Variants in C12orf56 observed in about 807,000 individuals in gnomAD.
C12orf56 encodes the protein chromosome 12 open reading frame 56, also known as uncharacterized protein C12orf56.
In C12orf56, 71 loss-of-function variants were observed where a neutral mutation model predicts 69.9. The ratio of observed to expected loss-of-function variants is 1.02; its 90% CI spans 0.84 to 1.24. The LOEUF is 1.24. C12orf56 is among the 50% of genes most tolerant of loss of function. The pLI is 0.00. For missense variants in C12orf56, 732 were observed against 738.5 expected (o/e 0.99, Z 0.10); for synonymous variants, 276 against 274.1 (o/e 1.01, Z -0.07).
intron 1 of C12orf56, among the ~76,000 whole-genome samples, chr12:64,363,946 A>C (rs986608287): frequency 5.9e-5 from 9 of 152,194 alleles, no homozygotes; most frequent in African/African-American, 2.2e-4. Context: ...TTGAGCAATA[A>C]ATTTGCAAAA....
chr12:64,350,219 C>T (rs1051581149), intron 2 of C12orf56, among the ~76,000 whole-genome samples: 9 of 151,968 alleles, frequency 5.9e-5, no homozygotes, highest in Non-Finnish European at 1.3e-4. Flanking sequence ...ATGGGTGCAC[C>T]AAAATCTCAC....
chr12:64,386,652 T>C (rs2039795124), intron 1 of C12orf56, among the ~76,000 whole-genome samples: 2 of 151,786 alleles, frequency 1.3e-5, no homozygotes, highest in African/African-American at 4.8e-5. Flanking sequence ...CATCTCGGCT[T>C]CCCAAAGTGC....
chr12:64,301,652 A>T (rs148224371), intron 6 of C12orf56, among the ~76,000 whole-genome samples: 1 of 152,346 alleles, frequency 6.6e-6, no homozygotes, highest in East Asian at 1.9e-4. Flanking sequence ...AAGGTATATA[A>T]GCTCTGGAAA....
intron 2 of C12orf56, among the ~76,000 whole-genome samples, chr12:64,345,718 A>T (rs1443221485): frequency 6.6e-6 from 1 of 152,172 alleles, no homozygotes; most frequent in African/African-American, 2.4e-5. Flanking sequence ...GGTAGATAGA[A>T]TCCCTGAGTT....
intron 2 of C12orf56, among the ~76,000 whole-genome samples, chr12:64,340,697 G>A (rs1053470640): frequency 3.9e-5 from 6 of 152,160 alleles, no homozygotes; most frequent in South Asian, 4.1e-4. Context: ...TGTTTTTAAC[G>A]AAAGAAGGAG....
chr12:64,319,060 G>T, intron 3 of C12orf56, 80 bp from the exon 4 acceptor site: 1 of 1,246,262 alleles, frequency 8.0e-7, no homozygotes, highest in East Asian at 2.6e-5. Context: ...GTTTAAGACT[G>T]AACACAAATG....
At chr12:64,359,664 A>G (rs1315717571) in intron 1 of C12orf56, among the ~76,000 whole-genome samples, 1 of 152,142 alleles carries the variant, frequency 6.6e-6, no homozygotes, top group East Asian at 1.9e-4. Flanking sequence ...AGGAAGGCTT[A>G]ATCCAAAGAA....
chr12:64,309,206 C>G (rs1178178380), intron 5 of C12orf56, among the ~76,000 whole-genome samples: 1 of 152,156 alleles, frequency 6.6e-6, no homozygotes, highest in Non-Finnish European at 1.5e-5. Flanking sequence ...TCACAATGTT[C>G]TACAAGTATC....
In C12orf56 at chr12:64,386,194, C is replaced by T. The variant is rs747648651; in HGVS notation, c.252+4120G>A. Among the ~76,000 whole-genome samples the T allele has an allele frequency of 8.8e-4, 134 of 152,078 alleles. 1 individual carries two copies. The highest frequency in any genetic ancestry group is 1.6e-3 in the Non-Finnish European group (110 of 67,966). On this transcript the variant is annotated intron_variant, in intron 1 of 12. Transcript: ENST00000543942. The stretch of plus-strand genomic sequence containing the variant: ...CCACCGACTCTTCTTCTGCCCCTCT[C>T]TTCCACCTTTTTTGTAATTTTTAAT...
At chr12:64,309,621 A>G (rs1347417216) in intron 5 of C12orf56, among the ~76,000 whole-genome samples, 1 of 151,954 alleles carries the variant, frequency 6.6e-6, no homozygotes, top group Non-Finnish European at 1.5e-5. Context: ...AGTGATTCTC[A>G]TACCTCAGCC....
At chr12:64,354,027 A>G (rs1336332396) in intron 1 of C12orf56, among the ~76,000 whole-genome samples, 2 of 152,214 alleles carry the variant, frequency 1.3e-5, no homozygotes, top group Non-Finnish European at 2.9e-5. Flanking sequence ...TCAAAAATGT[A>G]TAATTAATTG....
Position 64,383,239 on chromosome 12 carries a change from C to T in C12orf56, c.252+7075G>A, listed in dbSNP as rs1428137879. ...GGCTGAGGTGGGAGGATCACTTGAG[C>T]CTGGGAGGTCTAGGTTGCAGTGAGC... On this transcript the variant is annotated intron_variant, in intron 1 of 12. Transcript: ENST00000543942. Among the ~76,000 whole-genome samples, 7 of 151,900 alleles carry T rather than the reference C, an allele frequency of 4.6e-5. No homozygotes were observed. The East Asian group carries it at 1.4e-3, about 30-fold the overall frequency.
At chr12:64,316,058 A>T (rs1389832102) in intron 4 of C12orf56, among the ~76,000 whole-genome samples, 1 of 152,034 alleles carries the variant, frequency 6.6e-6, no homozygotes, top group African/African-American at 2.4e-5. Context: ...CAAGGAAGAG[A>T]TAGAACATTA....
In C12orf56 at chr12:64,338,620, C is replaced by T. The variant is rs550842955; in HGVS notation, c.416-7588G>A. 11 of 1,590,888 alleles carry T rather than the reference C, an allele frequency of 6.9e-6. No individual in the cohort carries two copies. In the Admixed American group the frequency reaches 1.0e-4, roughly 15 times the overall value. On this transcript the variant is annotated intron_variant, in intron 2 of 12. Transcript: ENST00000543942. Reference sequence around the variant, plus strand: ...GCTGCTCAATCTGTTTCTCTTTCTTCTCATAATATTCCATAATCTTTAGTC... The same window carrying T: ...GCTGCTCAATCTGTTTCTCTTTCTTTTCATAATATTCCATAATCTTTAGTC...
intron 6 of C12orf56, among the ~76,000 whole-genome samples, chr12:64,294,580 G>C (rs1425993609): frequency 6.6e-6 from 1 of 151,994 alleles, no homozygotes; most frequent in African/African-American, 2.4e-5. Flanking sequence ...GTCACAAAAA[G>C]ACAAGTACTA....
intron 1 of C12orf56, among the ~76,000 whole-genome samples, chr12:64,383,622 A>G (rs1353945973): frequency 6.6e-6 from 1 of 151,826 alleles, no homozygotes; most frequent in Non-Finnish European, 1.5e-5. Context: ...TGATCCGCCC[A>G]CCTCAGCCTC....
chr12:64,370,416 C>T (rs138518463), intron 1 of C12orf56, among the ~76,000 whole-genome samples: 12 of 148,284 alleles, frequency 8.1e-5, no homozygotes, highest in East Asian at 2.0e-4. Context: ...TTTCAGAGGC[C>T]GAGGCAGGAG....
Position 64,284,684 on chromosome 12 carries a change from C to A in C12orf56, c.1290G>T (p.Leu430=). Residue 430 remains leucine, a synonymous_variant, in exon 8 of 13, where the codon CTG becomes CTT. Transcript: ENST00000543942. ...FRETETESSR[L]NTLAAKKGAL... ...CTTACTTCTTAGCTGCCAATGTGTT[C>A]AGGCGTGATGACTCGGTTTCTGTTT... 6.2e-7 allele frequency: 1 copy of A among 1,612,024 alleles called. No homozygotes were observed. The highest frequency in any genetic ancestry group is 8.5e-7 in the Non-Finnish European group (1 of 1,179,190).
intron 12 of C12orf56, among the ~76,000 whole-genome samples, chr12:64,269,837 G>C (rs11175302): frequency 0.7 from 106,821 of 151,758 alleles, 38,771 homozygotes; most frequent in Non-Finnish European, 0.8. Flanking sequence ...AATCTGCCCG[G>C]CTCAGCCTCC....
Sources: allele counts gnomAD v4.1 joint callset (sites outside exome capture counted in the v4.1 genomes callset), GRCh38; gene constraint gnomAD v4.1.1; transcripts MANE v1.5; gene names NCBI Gene and HGNC (gene_info 2026-07-23, HGNC 2026-07-21).